Variants in PLPP1 observed in about 807,000 individuals in gnomAD.
PLPP1 encodes lipid phosphate phosphohydrolase 1a.
A neutral mutation model predicts 31.2 loss-of-function variants in PLPP1; 24 were observed. That is an observed-to-expected ratio of 0.77 (90% CI 0.56 to 1.08). The LOEUF is 1.08. Among genes scored for constraint, PLPP1 ranks in the 50% least tolerant of loss-of-function variants. The probability of loss-of-function intolerance (pLI) is 0.00; values close to 1 mark genes in which losing one functional copy is unlikely to be tolerated. For missense variants in PLPP1, 319 were observed against 342.7 expected (o/e 0.93, Z 0.55); for synonymous variants, 146 against 126.3 (o/e 1.16, Z -1.05).
intron 1 of PLPP1, chr5:55,491,238 T>C: frequency 1.0e-6 from 1 of 972,560 alleles, no homozygotes; most frequent in East Asian, 2.6e-5. Context: ...TGGATCTCCA[T>C]TATACCCAAG....
intron 1 of PLPP1, among the ~76,000 whole-genome samples, chr5:55,527,171 G>GT (rs922079875): frequency 6.6e-6 from 1 of 152,100 alleles, no homozygotes; most frequent in African/African-American, 2.4e-5. Context: ...CAAAATACTT[G>GT]TTTTTTCCCC....
chr5:55,471,503 TCAAA>T (rs1752415294), intron 2 of PLPP1, among the ~76,000 whole-genome samples: 1 of 152,022 alleles, frequency 6.6e-6, no homozygotes, highest in East Asian at 1.9e-4. Context: ...CTCAGCCAGA[TCAAA>T]CAGATTTTTA....
At chr5:55,451,365 T>A (rs963910833) in intron 3 of PLPP1, among the ~76,000 whole-genome samples, 5 of 152,118 alleles carry the variant, frequency 3.3e-5, no homozygotes, top group African/African-American at 1.2e-4. Flanking sequence ...AATTTAGATT[T>A]GAGTTGAAGG....
intron 3 of PLPP1, among the ~76,000 whole-genome samples, chr5:55,457,715 C>T (rs1752049555): frequency 6.6e-6 from 1 of 151,922 alleles, no homozygotes; most frequent in Non-Finnish European, 1.5e-5. Flanking sequence ...ATGGTGAAAC[C>T]CCATCTCTAC....
chr5:55,453,466 A>G (rs539478796), intron 3 of PLPP1, among the ~76,000 whole-genome samples: 77 of 152,294 alleles, frequency 5.1e-4, no homozygotes, highest in Middle Eastern at 3.4e-3. Flanking sequence ...GTCAAAGAAC[A>G]TTAGCTTAAA....
intron 4 of PLPP1, among the ~76,000 whole-genome samples, chr5:55,428,765 C>G (rs1181415401): frequency 1.3e-5 from 2 of 152,162 alleles, no homozygotes; most frequent in Non-Finnish European, 2.9e-5. Context: ...TTTGCAGATT[C>G]CACTCTTCTC....
At chr5:55,504,524 C>CAAAAAAAAA (rs70995703) in intron 1 of PLPP1, among the ~76,000 whole-genome samples, 1 of 54,286 alleles carries the variant, frequency 1.8e-5, no homozygotes, top group East Asian at 5.6e-4. Flanking sequence ...GACTCCATCT[C>CAAAAAAAAA]AAAAAAAAAA....
At chr5:55,437,368 G>A (rs184730167) in intron 4 of PLPP1, among the ~76,000 whole-genome samples, 1 of 151,970 alleles carries the variant, frequency 6.6e-6, no homozygotes, top group Non-Finnish European at 1.5e-5. Flanking sequence ...ATATTCTATT[G>A]TTAATAAAGT....
intron 1 of PLPP1, among the ~76,000 whole-genome samples, chr5:55,477,396 CTTTT>C (rs3070044): frequency 7.5e-5 from 10 of 133,326 alleles, no homozygotes; most frequent in Non-Finnish European, 6.2e-5. Context: ...TTTTTCTTTT[CTTTT>C]TTTTTTTTTT....
chr5:55,469,891 C>A (rs1056988583), intron 2 of PLPP1, among the ~76,000 whole-genome samples: 1 of 152,156 alleles, frequency 6.6e-6, no homozygotes, highest in African/African-American at 2.4e-5. Context: ...AACAGAAAAC[C>A]TCATATCACC....
intron 1 of PLPP1, among the ~76,000 whole-genome samples, chr5:55,497,557 C>T (rs1200962707): frequency 1.3e-5 from 2 of 151,718 alleles, no homozygotes; most frequent in African/African-American, 4.8e-5. Context: ...CCAGCCACCA[C>T]AGAACTTTTA....
In PLPP1 at chr5:55,425,942, G is replaced by T; in HGVS notation, c.647C>A (p.Ser216Tyr). 1 of 1,613,982 alleles carries T rather than the reference G, an allele frequency of 6.2e-7. No homozygotes were observed. ...GTGGTGTTTATAATCAGAAACTCGA[G>T]AAAGGCCCACATAAATGGATACGGC... ...LVAVSIYVGL[S>Y]RVSDYKHHWS... Residue 216 changes from serine (S) to tyrosine (Y), a missense_variant, in exon 5 of 6, where the codon TCT becomes TAT. Physicochemically the swap from Ser to Tyr is moderately radical, Grantham distance 144. Transcript: ENST00000307259.
chr5:55,432,702 T>A (rs1751387944), intron 4 of PLPP1, among the ~76,000 whole-genome samples: 1 of 151,746 alleles, frequency 6.6e-6, no homozygotes. Context: ...ATCCCAGGGA[T>A]GCAAGGAGGT....
chr5:55,443,602 G>A (rs1235408254), intron 3 of PLPP1, among the ~76,000 whole-genome samples: 1 of 152,118 alleles, frequency 6.6e-6, no homozygotes, highest in Non-Finnish European at 1.5e-5. Context: ...CCAAGCAAGT[G>A]AGGTCTCACT....
At chr5:55,475,575 T>G in intron 1 of PLPP1, 125 bp from the exon 2 acceptor site, 1 of 872,202 alleles carries the variant, frequency 1.1e-6, no homozygotes, top group South Asian at 2.1e-5. Flanking sequence ...AGAGCACATG[T>G]AAAAAAGGAA....
intron 4 of PLPP1, among the ~76,000 whole-genome samples, chr5:55,428,787 C>T (rs527354312): frequency 8.5e-5 from 13 of 152,216 alleles, no homozygotes; most frequent in Non-Finnish European, 1.6e-4. Flanking sequence ...CCTCCCCATA[C>T]ATGCCATTTG....
rs145684103 is a variant in PLPP1 at position 55,429,707 on chromosome 5, C to T, written c.550-3668G>A. 2.4e-3 allele frequency among the ~76,000 whole-genome samples: 360 copies of T among 152,262 alleles called. 3 individuals are homozygous for T. Among genetic ancestry groups the T allele is most frequent in the African/African-American group, 8.1e-3 (336 of 41,548 alleles). On this transcript the variant is annotated intron_variant, in intron 4 of 5. Coordinates refer to ENST00000307259, the MANE Select transcript of PLPP1 (RefSeq NM_003711.4). ...CCCAACAGCCCCTGCATATCCACAT[C>T]TCTGAAGCCCCATTAAAGTCCCCCA...
At chr5:55,500,228 C>T (rs924155041) in intron 1 of PLPP1, among the ~76,000 whole-genome samples, 6 of 151,772 alleles carry the variant, frequency 4.0e-5, no homozygotes, top group South Asian at 2.1e-4. Flanking sequence ...TACAGGCGCC[C>T]GCCACCACGC....
chr5:55,470,589 C>G (rs1752395096), intron 2 of PLPP1, among the ~76,000 whole-genome samples: 1 of 152,206 alleles, frequency 6.6e-6, no homozygotes, highest in South Asian at 2.1e-4. Flanking sequence ...CCAGCAAATG[C>G]TAGGTCAACT....
Sources: gnomAD v4.1 joint callset for allele counts (sites outside exome capture counted in the v4.1 genomes callset) on GRCh38, gnomAD v4.1.1 for gene constraint, MANE v1.5 for transcripts, NCBI Gene and HGNC (gene_info 2026-07-23, HGNC 2026-07-21) for gene names.